PUDP: variants seen among roughly 807,000 people sequenced by gnomAD.
PUDP encodes the protein pseudouridine 5'-phosphatase.
A neutral mutation model predicts 9.4 loss-of-function variants in PUDP; 8 were observed. That is an observed-to-expected ratio of 0.85 (90% CI 0.50 to 1.53). The LOEUF is 1.53. PUDP is among the 40% of genes most tolerant of loss of function. The pLI, the probability that PUDP is intolerant of heterozygous loss-of-function variation, is 0.00. For synonymous variants in PUDP, 99 were observed against 80.7 expected (o/e 1.23, Z -1.22); for missense variants, 188 against 189.7 (o/e 0.99, Z 0.05).
chrX:7,109,460 C>T (rs775500342), intron 1 of PUDP, among the ~76,000 whole-genome samples: 8 of 111,796 alleles, frequency 7.2e-5, no homozygotes, highest in African/African-American at 9.8e-5. Context: ...GGCGAGTGTG[C>T]GAACAGGAAG....
At chrX:6,861,365 A>G (rs1411340509) in intron 3 of PUDP, among the ~76,000 whole-genome samples, 1 of 111,767 alleles carries the variant, frequency 8.9e-6, no homozygotes. Context: ...TAATACATAT[A>G]TTAAAGGGAG....
Position 6,844,586 on chromosome X carries a change from C to G in PUDP, c.*247+132547G>C, listed in dbSNP as rs1425310519. Among the ~76,000 whole-genome samples the G allele has an allele frequency of 6.2e-5, 7 of 112,456 alleles. No homozygotes were observed. In the Admixed American group the frequency reaches 6.6e-4, roughly 11 times the overall value. On this transcript the variant is annotated intron_variant and NMD_transcript_variant, in intron 3 of 3. Coordinates refer to the PUDP transcript ENST00000655425. ...AGCTAAATCTTAAAGAACAAGTATT[C>G]TGATGCCAAATTGTATTAGGATTCT...
intron 1 of PUDP, among the ~76,000 whole-genome samples, chrX:7,020,219 G>A (rs1929612334): frequency 9.0e-6 from 1 of 110,670 alleles, no homozygotes; most frequent in African/African-American, 3.3e-5. Flanking sequence ...TGAATGGGAT[G>A]CCACCATGTT....
At chrX:6,951,275 A>ATCT (rs1247098718) in intron 3 of PUDP, among the ~76,000 whole-genome samples, 10 of 103,681 alleles carry the variant, frequency 9.6e-5, no homozygotes, top group African/African-American at 3.7e-4. Context: ...CTATCTATCT[A>ATCT]ATCTATCTAT....
chrX:6,966,545 A>ATT (rs748670894), intron 3 of PUDP, among the ~76,000 whole-genome samples: 1,735 of 89,587 alleles, frequency 0.019, 52 homozygotes, highest in African/African-American at 0.058. Flanking sequence ...TCGCCTTCAT[A>ATT]TTTTTTTTTT....
chrX:6,976,846 T>A (rs1928963908), intron 3 of PUDP, among the ~76,000 whole-genome samples: 1 of 112,080 alleles, frequency 8.9e-6, no homozygotes, highest in Non-Finnish European at 1.9e-5. Context: ...TCTGCTGTAC[T>A]GTTCTCAGAG....
intron 3 of PUDP, among the ~76,000 whole-genome samples, chrX:6,802,663 C>G (rs1041066218): frequency 9.1e-6 from 1 of 109,580 alleles, no homozygotes. Context: ...GTGGGGAGGT[C>G]TCCTGAGGTC....
chrX:6,904,460 T>A (rs1375016370), intron 3 of PUDP, among the ~76,000 whole-genome samples: 1 of 110,463 alleles, frequency 9.1e-6, no homozygotes, highest in Non-Finnish European at 1.9e-5. Context: ...TCCCTAAACG[T>A]CAACAGGTGC....
intron 3 of PUDP, among the ~76,000 whole-genome samples, chrX:6,957,873 G>A (rs778445548): frequency 2.7e-5 from 3 of 112,080 alleles, no homozygotes; most frequent in African/African-American, 9.7e-5. Context: ...TAAAGAGGCT[G>A]GGCGTGGTGG....
chrX:6,824,648 T>C (rs62590408), intron 3 of PUDP, among the ~76,000 whole-genome samples: 1 of 111,306 alleles, frequency 9.0e-6, no homozygotes. Context: ...AGCTGGTATA[T>C]CAGCTTCTGT....
chrX:6,978,534 C>T lies in PUDP; in HGVS notation c.205-191G>A, dbSNP rs769643028. Among the ~76,000 whole-genome samples the T allele has an allele frequency of 9.4e-4, 105 of 111,823 alleles. 2 individuals carry two copies. The highest frequency in any genetic ancestry group is 1.8e-3 in the Non-Finnish European group (94 of 53,187). ...TCACCATTAAGGAATGAGAAAAGAG[C>T]AATAGTTGACTCTATTAGGTCAAAG... On this transcript the variant is annotated intron_variant and NMD_transcript_variant, in intron 1 of 3. Coordinates refer to the PUDP transcript ENST00000655425.
At chrX:6,838,700 A>C (rs1464185550) in intron 3 of PUDP, among the ~76,000 whole-genome samples, 1 of 111,802 alleles carries the variant, frequency 8.9e-6, no homozygotes, top group East Asian at 2.8e-4. Flanking sequence ...AAGGGGGAAA[A>C]TTTTGTCATG....
chrX:7,116,968 G>A lies in PUDP; in HGVS notation c.62-11130C>T, dbSNP rs748786332. On this transcript the variant is annotated intron_variant, in intron 1 of 3. Transcript: ENST00000381077. Reference sequence around the variant, plus strand: ...GTTACATGCCTGCTCCTGCTTACCCGTCCACCGTGATTGTAAGCCTCTTGA... The same window carrying A: ...GTTACATGCCTGCTCCTGCTTACCCATCCACCGTGATTGTAAGCCTCTTGA... 7.9e-5 allele frequency: 92 copies of A among 1,164,219 alleles called. No homozygotes were observed. In the African/African-American group the frequency reaches 8.5e-4, roughly 11 times the overall value.
rs1450524733 is a variant in PUDP at position 6,773,370 on chromosome X, TA to T, written c.*248-66905del. ...GGGTACTGAAATTTAGGGTTGCCCT[TA>T]AAGTTTCACCAAATTCAAGATAATT... On this transcript the variant is annotated intron_variant and NMD_transcript_variant, in intron 3 of 3. Coordinates refer to the PUDP transcript ENST00000655425. Among the ~76,000 whole-genome samples, 7 of 112,091 alleles carry T rather than the reference TA, an allele frequency of 6.2e-5. No individual in the cohort carries two copies. The East Asian group carries it at 1.7e-3, about 27-fold the overall frequency.
chrX:7,112,648 A>G (rs1203414757), intron 1 of PUDP, among the ~76,000 whole-genome samples: 2 of 112,056 alleles, frequency 1.8e-5, no homozygotes, highest in Non-Finnish European at 3.8e-5. Flanking sequence ...TGAAGATGTT[A>G]GCTGACTGTG....
chrX:6,763,053 T>G (rs1412608904), intron 3 of PUDP, among the ~76,000 whole-genome samples: 1 of 112,378 alleles, frequency 8.9e-6, no homozygotes, highest in Non-Finnish European at 1.9e-5. Context: ...GAGCTAAATA[T>G]GGCTTTTACA....
chrX:7,079,148 T>A lies in PUDP; in HGVS notation c.281-1699A>T, dbSNP rs190611050. Reference sequence around the variant, plus strand: ...AAAGGATAGAAAACTACATACCACATAACTATTGCTCAAAAGAGAGCCAGG... The same window carrying A: ...AAAGGATAGAAAACTACATACCACAAAACTATTGCTCAAAAGAGAGCCAGG... On this transcript the variant is annotated intron_variant, in intron 2 of 3. Coordinates refer to ENST00000381077, the MANE Select transcript of PUDP (RefSeq NM_012080.5). Among the ~76,000 whole-genome samples, 6 of 112,513 alleles carry A rather than the reference T, an allele frequency of 5.3e-5. No homozygotes were observed. In the Admixed American group the frequency reaches 5.6e-4, roughly 11 times the overall value.
At chrX:6,732,369 T>C (rs1348454178) in intron 3 of PUDP, among the ~76,000 whole-genome samples, 1 of 111,627 alleles carries the variant, frequency 9.0e-6, no homozygotes, top group African/African-American at 3.3e-5. Context: ...AAAACCACTG[T>C]TTTCCCTGAC....
chrX:6,881,316 T>C (rs1257316009), intron 3 of PUDP, among the ~76,000 whole-genome samples: 2 of 112,215 alleles, frequency 1.8e-5, no homozygotes, highest in African/African-American at 3.2e-5. Context: ...GAGCATCTTA[T>C]AAGTAAAGAC....
Sources: gnomAD v4.1 joint callset for allele counts (sites outside exome capture counted in the v4.1 genomes callset) on GRCh38, gnomAD v4.1.1 for gene constraint, MANE v1.5 for transcripts, NCBI Gene and HGNC (gene_info 2026-07-23, HGNC 2026-07-21) for gene names.